The following STON1 variants were observed in gnomAD, a reference collection of about 807,000 sequenced individuals.
The protein encoded by STON1 is stonin-1.
In STON1, 79 loss-of-function variants were observed where a neutral mutation model predicts 60.9. That is an observed-to-expected ratio of 1.30 (90% CI 1.08 to 1.56). The LOEUF is 1.56. Ranked by LOEUF, STON1 falls within the 40% of genes most tolerant of loss-of-function variation. The probability of loss-of-function intolerance (pLI) is 0.00; values close to 1 mark genes in which losing one functional copy is unlikely to be tolerated. For synonymous variants in STON1, 363 were observed against 306.9 expected (o/e 1.18, Z -1.91); for missense variants, 1,166 against 858.9 (o/e 1.36, Z -4.47).
chr2:48,570,848 T>G (rs1045733811), intron 1 of STON1, among the ~76,000 whole-genome samples: 2 of 135,018 alleles, frequency 1.5e-5, no homozygotes, highest in African/African-American at 2.8e-5. Context: ...TCTGAGTTTT[T>G]TTTTTTTTTT....
intron 1 of STON1, among the ~76,000 whole-genome samples, chr2:48,565,934 A>C (rs553621401): frequency 1.3e-5 from 2 of 152,312 alleles, no homozygotes; most frequent in East Asian, 3.9e-4. Flanking sequence ...TAATAAGGAT[A>C]AAATTCTAAA....
intron 1 of STON1, among the ~76,000 whole-genome samples, chr2:48,555,162 A>G (rs1672270252): frequency 1.1e-5 from 1 of 91,942 alleles, no homozygotes; most frequent in Non-Finnish European, 2.2e-5. Context: ...CGATTTCTCA[A>G]TCTTTTCCCC....
intron 1 of STON1, among the ~76,000 whole-genome samples, chr2:48,560,662 G>T (rs977737034): frequency 6.6e-6 from 1 of 152,184 alleles, no homozygotes; most frequent in African/African-American, 2.4e-5. Context: ...GGCAGCCGTT[G>T]CTAGGGCTGC....
At chr2:48,547,972 C>T (rs1161469250) in intron 1 of STON1, among the ~76,000 whole-genome samples, 1 of 152,216 alleles carries the variant, frequency 6.6e-6, no homozygotes, top group African/African-American at 2.4e-5. Context: ...TTCTCATGTC[C>T]TTACCAAATC....
rs1430429646 is a variant in STON1, at chr2:48,564,886, C to T, written c.-47-15701C>T. 2.0e-5 allele frequency among the ~76,000 whole-genome samples: 3 copies of T among 149,536 alleles called. No homozygotes were observed. The East Asian group carries it at 5.9e-4, about 29-fold the overall frequency. On this transcript the variant is annotated intron_variant, in intron 1 of 3. Transcript: ENST00000404752. Reference sequence around the variant, plus strand: ...TAGCTGGAATTACAGGCGTGCACCACCACGCCCGGCTAATTTTTGTATTTT... The same window carrying T: ...TAGCTGGAATTACAGGCGTGCACCATCACGCCCGGCTAATTTTTGTATTTT...
chr2:48,586,637 C>T (rs1454740183), intron 2 of STON1, among the ~76,000 whole-genome samples: 6 of 151,918 alleles, frequency 3.9e-5, no homozygotes, highest in Non-Finnish European at 5.9e-5. Context: ...AGGGAGTGGT[C>T]GGGGAAGAGA....
chr2:48,559,384 A>G (rs756346096), intron 1 of STON1, among the ~76,000 whole-genome samples: 3 of 152,170 alleles, frequency 2.0e-5, no homozygotes, highest in Non-Finnish European at 4.4e-5. Flanking sequence ...TGTTCCTCAC[A>G]GATGGCACCT....
intron 1 of STON1, among the ~76,000 whole-genome samples, chr2:48,568,351 C>T (rs945791269): frequency 2.6e-5 from 4 of 152,158 alleles, no homozygotes; most frequent in Non-Finnish European, 1.5e-5. Flanking sequence ...GCTGTTTCAC[C>T]TATCACATGC....
rs866955368 is a variant in STON1 at position 48,533,662 on chromosome 2, C to G, written c.-48+3446C>G. On this transcript the variant is annotated intron_variant, in intron 1 of 3. Transcript: ENST00000404752. Reference sequence around the variant, plus strand: ...GGGCAACAAGAGCAAAACTCCGTCTCAAAAAAAAAAAAAAAAAAAAGAGAT... The same window carrying G: ...GGGCAACAAGAGCAAAACTCCGTCTGAAAAAAAAAAAAAAAAAAAAGAGAT... Among the ~76,000 whole-genome samples the G allele has an allele frequency of 8.9e-4, 50 of 56,326 alleles. No homozygotes were observed. The East Asian group carries it at 0.03, about 34-fold the overall frequency. The allele number at this position is 56,326 out of a possible 152,430, so 37.0% of individuals were successfully genotyped here. A position where few individuals can be genotyped will look rare whatever the true frequency, so the allele number is the denominator to read the frequency against.
At chr2:48,541,899 C>T (rs1447889636) in intron 1 of STON1, among the ~76,000 whole-genome samples, 1 of 152,124 alleles carries the variant, frequency 6.6e-6, no homozygotes, top group Non-Finnish European at 1.5e-5. Context: ...CTCATCTGGC[C>T]AATGTTTTCA....
intron 1 of STON1, among the ~76,000 whole-genome samples, chr2:48,570,965 C>A (rs917759872): frequency 4.0e-5 from 6 of 149,062 alleles, no homozygotes; most frequent in African/African-American, 1.5e-4. Context: ...TGGGCTCAAG[C>A]GATTCTCCTG....
rs886094256 is a variant in STON1, at chr2:48,596,699, A to T, written c.*1397A>T. 1 of 152,138 alleles carries T rather than the reference A, an allele frequency of 6.6e-6. No homozygotes were observed. The highest frequency in any genetic ancestry group is 2.4e-5 in the African/African-American group (1 of 41,412). The allele number at this position is 152,138 out of a possible 1,614,324, so 9.4% of individuals were successfully genotyped here. ...TTTTTTTAATATTTAATATTATATT[A>T]CATTCATTGAAATCTGTTCAAAAAC... On this transcript the variant is annotated 3_prime_UTR_variant, in exon 4 of 4. Coordinates refer to ENST00000404752, the MANE Select transcript of STON1 (RefSeq NM_006873.4).
intron 1 of STON1, among the ~76,000 whole-genome samples, chr2:48,568,845 G>T (rs146636742): frequency 6.6e-6 from 1 of 152,166 alleles, no homozygotes. Flanking sequence ...GGAGAAATAG[G>T]CTCTTCTCAC....
At chr2:48,537,742 C>T (rs1252375078) in intron 1 of STON1, among the ~76,000 whole-genome samples, 3 of 150,732 alleles carry the variant, frequency 2.0e-5, no homozygotes, top group Non-Finnish European at 4.4e-5. Flanking sequence ...CCCAGCTACT[C>T]GGGAGGCTGA....
At chr2:48,566,660 G>A (rs1441869286) in intron 1 of STON1, among the ~76,000 whole-genome samples, 1 of 152,172 alleles carries the variant, frequency 6.6e-6, no homozygotes, top group Non-Finnish European at 1.5e-5. Context: ...GGGAAGGAGG[G>A]GTTGGTCCAT....
intron 1 of STON1, among the ~76,000 whole-genome samples, chr2:48,538,747 GC>G: frequency 7.0e-6 from 1 of 143,152 alleles, no homozygotes; most frequent in Non-Finnish European, 1.5e-5. Context: ...ACAGGTGTGC[GC>G]CACCACACCC....
chr2:48,563,490 G>T (rs1672692704), intron 1 of STON1, among the ~76,000 whole-genome samples: 1 of 152,178 alleles, frequency 6.6e-6, no homozygotes, highest in South Asian at 2.1e-4. Flanking sequence ...CTAAGACCCT[G>T]CTAAGTCAAA....
chr2:48,575,564 A>C (rs1673436288), intron 1 of STON1, among the ~76,000 whole-genome samples: 4 of 151,728 alleles, frequency 2.6e-5, no homozygotes. Context: ...GAGGCAGGAG[A>C]ATCACTTGAA....
intron 1 of STON1, among the ~76,000 whole-genome samples, chr2:48,553,203 TC>T (rs1279424743): frequency 1.3e-5 from 2 of 152,090 alleles, no homozygotes; most frequent in African/African-American, 2.4e-5. Context: ...AACAGAGTCT[TC>T]CTCTTGATGG....
Sources: gnomAD v4.1 joint callset for allele counts (sites outside exome capture counted in the v4.1 genomes callset) on GRCh38, gnomAD v4.1.1 for gene constraint, MANE v1.5 for transcripts, NCBI Gene and HGNC (gene_info 2026-07-23, HGNC 2026-07-21) for gene names.